TMPRSS15: variants seen among roughly 807,000 people sequenced by gnomAD.
TMPRSS15 encodes enteropeptidase.
Under a neutral mutation model 125.3 loss-of-function variants are expected in TMPRSS15, and 128 were observed. The observed-to-expected ratio is 1.02, with a 90% confidence interval of 0.89 to 1.18. The LOEUF (loss-of-function observed/expected upper bound fraction) is 1.18, where lower values mean the gene tolerates loss of function less well. TMPRSS15 is among the 50% of genes most tolerant of loss of function. TMPRSS15 has a pLI of 0.00. For missense variants in TMPRSS15, 1,283 were observed against 1,212.7 expected, an observed-to-expected ratio of 1.06 and a Z score of -0.86; for synonymous variants, 446 against 423.2, an observed-to-expected ratio of 1.05 and a Z score of -0.66.
intron 1 of TMPRSS15, among the ~76,000 whole-genome samples, chr21:18,408,967 TATC>T (rs2076159089): frequency 6.6e-6 from 1 of 152,232 alleles, no homozygotes; most frequent in Admixed American, 6.5e-5. Flanking sequence ...ATTGAGTATG[TATC>T]ATCATCAGTC....
chr21:18,427,054 A>T (rs2076204069), intron 1 of TMPRSS15, among the ~76,000 whole-genome samples: 1 of 152,216 alleles, frequency 6.6e-6, no homozygotes, highest in African/African-American at 2.4e-5. Context: ...TTAGAAGCCC[A>T]TTTCATTGTA....
At chr21:18,462,071 A>C (rs1468311668) in intron 1 of TMPRSS15, among the ~76,000 whole-genome samples, 2 of 152,160 alleles carry the variant, frequency 1.3e-5, no homozygotes, top group Non-Finnish European at 2.9e-5. Flanking sequence ...TTTTCATGTA[A>C]TGAAAGAAGA....
At chr21:18,273,426 G>A (rs1160736675) in intron 24 of TMPRSS15, among the ~76,000 whole-genome samples, 1 of 152,190 alleles carries the variant, frequency 6.6e-6, no homozygotes, top group African/African-American at 2.4e-5. Flanking sequence ...TGACAGTCTA[G>A]TGTATTAATT....
At chr21:18,344,447 T>C (rs907250791) in intron 10 of TMPRSS15, among the ~76,000 whole-genome samples, 1 of 152,208 alleles carries the variant, frequency 6.6e-6, no homozygotes, top group Non-Finnish European at 1.5e-5. Context: ...TAACTCAGAA[T>C]ATACACATAT....
chr21:18,445,871 GA>G (rs2076254713), intron 1 of TMPRSS15, among the ~76,000 whole-genome samples: 1 of 152,116 alleles, frequency 6.6e-6, no homozygotes, highest in Non-Finnish European at 1.5e-5. Flanking sequence ...AGGAACTATT[GA>G]AAGCCTTTTC....
rs1161173127 is a variant in TMPRSS15, at chr21:18,413,276, TTC to T, written c.11-14949_11-14948del. On this transcript the variant is annotated intron_variant, in intron 1 of 7. Coordinates refer to the TMPRSS15 transcript ENST00000422787. ...TTCCTTTCTTTCTTTCTCTTTCTTT[TTC>T]TTTTTCTTTCTTTCTTTTCTTTCTT... Among the ~76,000 whole-genome samples, 409 of 131,626 alleles carry T rather than the reference TTC, an allele frequency of 3.1e-3. 6 individuals are homozygous for T. Among genetic ancestry groups the T allele is most frequent in the African/African-American group, 0.012 (399 of 33,936 alleles). 86.4% of individuals were successfully genotyped at this position (131,626 alleles called of 152,430 possible). A position where few individuals can be genotyped will look rare whatever the true frequency, so the allele number is the denominator to read the frequency against.
chr21:18,317,777 CCCA>C, intron 16 of TMPRSS15, among the ~76,000 whole-genome samples: 1 of 100,800 alleles, frequency 9.9e-6, no homozygotes, highest in Non-Finnish European at 2.1e-5. Flanking sequence ...CCCATCCCAT[CCCA>C]TCCCATCCCA....
chr21:18,292,292 C>A (rs1042890856), intron 21 of TMPRSS15, among the ~76,000 whole-genome samples: 3 of 152,176 alleles, frequency 2.0e-5, no homozygotes, highest in Admixed American at 1.3e-4. Context: ...CTCTTGCTTT[C>A]TAAGGATGCC....
In TMPRSS15 at chr21:18,353,828, T is replaced by G; in HGVS notation, c.916A>C (p.Ile306Leu). The G allele has an allele frequency of 1.9e-6, 3 of 1,611,604 alleles. No individual in the cohort carries two copies. The highest frequency in any genetic ancestry group is 2.5e-6 in the Non-Finnish European group (3 of 1,178,298). Residue 306 changes from isoleucine to leucine, a missense_variant, in exon 9 of 25, where the codon ATT becomes CTT. Physicochemically the swap from Ile to Leu is conservative, Grantham distance 5. Coordinates refer to ENST00000284885, the MANE Select transcript of TMPRSS15 (RefSeq NM_002772.3). Reference protein sequence around the residue: ...IWETNPGTIRIFSNQVTATFL... With the variant: ...IWETNPGTIRLFSNQVTATFL... ...GTGGCAGTAACTTGGTTGGAAAAAA[T>G]TCTTATTGTGCCAGGATTAGTTTCC...
At chr21:18,318,747 T>G (rs889132050) in intron 16 of TMPRSS15, among the ~76,000 whole-genome samples, 1 of 152,198 alleles carries the variant, frequency 6.6e-6, no homozygotes, top group African/African-American at 2.4e-5. Flanking sequence ...TGAATTAAAA[T>G]AGAGACAAAT....
At chr21:18,366,823 C>T (rs952991068) in intron 6 of TMPRSS15, among the ~76,000 whole-genome samples, 4 of 152,018 alleles carry the variant, frequency 2.6e-5, no homozygotes, top group Admixed American at 2.6e-4. Context: ...TGTTTGGAAT[C>T]TGAGTGTTTA....
chr21:18,301,742 A>G (rs2074975785), intron 18 of TMPRSS15, among the ~76,000 whole-genome samples: 2 of 152,194 alleles, frequency 1.3e-5, no homozygotes, highest in African/African-American at 4.8e-5. Context: ...GAAACTCCAT[A>G]TAGCATTACC....
At chr21:18,329,124 A>T in intron 15 of TMPRSS15, 45 bp downstream of exon 15, 2 of 1,608,390 alleles carry the variant, frequency 1.2e-6, no homozygotes, top group Non-Finnish European at 1.7e-6. Context: ...TCAGCACAAC[A>T]TCTTGAGCTT....
At chr21:18,483,155 A>G (rs1979016175) in intron 1 of TMPRSS15, among the ~76,000 whole-genome samples, 1 of 151,846 alleles carries the variant, frequency 6.6e-6, no homozygotes, top group Admixed American at 6.6e-5. Flanking sequence ...TACTTGTAAC[A>G]ATTTCCTTTT....
At chr21:18,388,517 A>G (rs1434266583) in intron 3 of TMPRSS15, among the ~76,000 whole-genome samples, 2 of 152,184 alleles carry the variant, frequency 1.3e-5, no homozygotes, top group Admixed American at 6.5e-5. Context: ...AAAGGGTTCC[A>G]TTAGCAAAAC....
rs1411317909 is a variant in TMPRSS15 at position 18,440,601 on chromosome 21, A to C, written c.11-42272T>G. 2.0e-5 allele frequency among the ~76,000 whole-genome samples: 3 copies of C among 152,026 alleles called. 1 individual carries two copies. The highest frequency in any genetic ancestry group is 6.3e-3 in the Middle Eastern group (2 of 316). On this transcript the variant is annotated intron_variant, in intron 1 of 7. Transcript: ENST00000422787. ...TTTCATATTTATTATCCCATGCTAT[A>C]AGTAGCACCTATTTTCAAGGTTTGA...
At chr21:18,474,542 G>A (rs1362596336) in intron 1 of TMPRSS15, among the ~76,000 whole-genome samples, 6 of 151,938 alleles carry the variant, frequency 3.9e-5, no homozygotes, top group East Asian at 1.9e-4. Context: ...CATACACCTC[G>A]GCCTCCCAAA....
At chr21:18,319,784 C>G (rs1289932853) in intron 16 of TMPRSS15, among the ~76,000 whole-genome samples, 3 of 152,136 alleles carry the variant, frequency 2.0e-5, no homozygotes, top group East Asian at 3.9e-4. Flanking sequence ...TGCTGTTTCT[C>G]CCTACGAATA....
At chr21:18,335,736 T>C (rs2146975347) in intron 13 of TMPRSS15, among the ~76,000 whole-genome samples, 1 of 152,296 alleles carries the variant, frequency 6.6e-6, no homozygotes, top group East Asian at 1.9e-4. Context: ...TCATTCTAAA[T>C]ATGACACAAT....
Sources: gnomAD v4.1 joint callset for allele counts (sites outside exome capture counted in the v4.1 genomes callset) on GRCh38, gnomAD v4.1.1 for gene constraint, MANE v1.5 for transcripts, NCBI Gene and HGNC (gene_info 2026-07-23, HGNC 2026-07-21) for gene names.